The following SUGCT variants were observed in gnomAD, a reference collection of about 807,000 sequenced individuals.
The protein encoded by SUGCT is succinyl-CoA:glutarate-CoA transferase.
A neutral mutation model predicts 55.0 loss-of-function variants in SUGCT; 41 were observed. That is an observed-to-expected ratio of 0.74 (90% CI 0.58 to 0.97). The LOEUF (loss-of-function observed/expected upper bound fraction) is 0.97. Ranked by LOEUF, SUGCT falls within the 50% of genes least tolerant of loss-of-function variation. The pLI is 0.00. For missense variants in SUGCT, 568 were observed against 547.8 expected (o/e 1.04, Z -0.37); for synonymous variants, 187 against 200.4 (o/e 0.93, Z 0.56).
intron 12 of SUGCT, among the ~76,000 whole-genome samples, chr7:40,710,803 A>G (rs181349896): frequency 6.6e-4 from 100 of 152,268 alleles, no homozygotes; most frequent in African/African-American, 2.3e-3. Context: ...ATTTTTTCCC[A>G]TGGGATCTTA....
chr7:40,873,971 A>G, the SUGCT span, among the ~76,000 whole-genome samples: 1 of 152,236 alleles, frequency 6.6e-6, no homozygotes, highest in African/African-American at 2.4e-5. Flanking sequence ...CAAGACTCAT[A>G]TCAGCAGAGG....
At chr7:40,693,961 A>G (rs1784808486) in intron 12 of SUGCT, among the ~76,000 whole-genome samples, 1 of 152,208 alleles carries the variant, frequency 6.6e-6, no homozygotes, top group East Asian at 1.9e-4. Flanking sequence ...TCTTTTGGAA[A>G]ACATTCCCAC....
intron 12 of SUGCT, chr7:40,547,025 T>C (rs960687312): frequency 6.6e-6 from 1 of 152,172 alleles, no homozygotes; most frequent in African/African-American, 2.4e-5. Context: ...CTTCTGTTTC[T>C]GTTTCTCTGG....
intron 11 of SUGCT, among the ~76,000 whole-genome samples, chr7:40,489,697 A>C (rs150078680): frequency 2.6e-5 from 4 of 152,238 alleles, no homozygotes; most frequent in South Asian, 4.1e-4. Context: ...AAAACAAAAA[A>C]CAAAAAACAA....
intron 12 of SUGCT, among the ~76,000 whole-genome samples, chr7:40,572,161 G>A (rs143033110): frequency 4.5e-4 from 69 of 152,152 alleles, no homozygotes; most frequent in African/African-American, 1.5e-3. Flanking sequence ...GCTGGGAGGC[G>A]TATGAGACAC....
At chr7:40,321,486 G>A (rs961868035) in intron 9 of SUGCT, among the ~76,000 whole-genome samples, 9 of 152,070 alleles carry the variant, frequency 5.9e-5, no homozygotes, top group African/African-American at 1.4e-4. Context: ...GAGTTCAAGT[G>A]ATTGTCCTGA....
rs533161401 is a variant in SUGCT, at chr7:40,218,513, C to T, written c.485-19122C>T. The stretch of plus-strand genomic sequence containing the variant: ...TCGGGTGAGGACTTGGAGAACTTTT[C>T]GGTTTAGCTAAAGGATTGTAAATGC... On this transcript the variant is annotated intron_variant, in intron 6 of 13. Transcript: ENST00000335693. 1.6e-4 allele frequency among the ~76,000 whole-genome samples: 24 copies of T among 152,250 alleles called. 1 individual carries two copies. The South Asian group carries it at 3.9e-3, about 25-fold the overall frequency.
chr7:40,196,885 A>G (rs374234659), intron 6 of SUGCT, among the ~76,000 whole-genome samples: 116 of 152,158 alleles, frequency 7.6e-4, no homozygotes, highest in African/African-American at 2.7e-3. Context: ...CTCAGGTTGG[A>G]GTGCTTTGGT....
the SUGCT span, among the ~76,000 whole-genome samples, chr7:41,019,561 G>A: frequency 3.9e-5 from 6 of 152,118 alleles, no homozygotes; most frequent in African/African-American, 1.4e-4. Context: ...TACAAGATTG[G>A]TCTGAAAATT....
chr7:40,249,323 A>ATATATCTATATATATATATC (rs1562612040), intron 7 of SUGCT, among the ~76,000 whole-genome samples: 1 of 91,790 alleles, frequency 1.1e-5, no homozygotes, highest in Admixed American at 1.1e-4. Flanking sequence ...CTATATATAT[A>ATATATCTATATATATATATC]TATATATATA....
chr7:40,709,404 G>C (rs1785587570), intron 12 of SUGCT, among the ~76,000 whole-genome samples: 1 of 152,244 alleles, frequency 6.6e-6, no homozygotes, highest in Non-Finnish European at 1.5e-5. Context: ...CTGTAAGAGA[G>C]TGAGGAGAGC....
At chr7:40,937,712 C>G in the SUGCT span, among the ~76,000 whole-genome samples, 1 of 151,966 alleles carries the variant, frequency 6.6e-6, no homozygotes, top group Non-Finnish European at 1.5e-5. Flanking sequence ...TTAGTATGTC[C>G]GTTCTAGCTC....
intron 9 of SUGCT, among the ~76,000 whole-genome samples, chr7:40,432,168 A>G (rs1265346084): frequency 6.6e-6 from 1 of 152,192 alleles, no homozygotes; most frequent in African/African-American, 2.4e-5. Flanking sequence ...GTTTTTCAAA[A>G]GTGAAGTGAC....
chr7:41,032,044 G>A, the SUGCT span, among the ~76,000 whole-genome samples: 11 of 152,180 alleles, frequency 7.2e-5, no homozygotes, highest in African/African-American at 2.6e-4. Context: ...GACTGAAGAT[G>A]CTTGAAGCAC....
At chr7:40,760,507 G>A (rs1251222326) in intron 13 of SUGCT, among the ~76,000 whole-genome samples, 1 of 152,026 alleles carries the variant, frequency 6.6e-6, no homozygotes, top group Admixed American at 6.6e-5. Flanking sequence ...CAAAGTTCTG[G>A]AGATGGATGG....
At chr7:40,793,947 C>T (rs1790433964) in intron 13 of SUGCT, among the ~76,000 whole-genome samples, 1 of 151,988 alleles carries the variant, frequency 6.6e-6, no homozygotes, top group Non-Finnish European at 1.5e-5. Flanking sequence ...TTAACCTTTC[C>T]ATTGAGTTTT....
the SUGCT span, among the ~76,000 whole-genome samples, chr7:41,003,280 T>C: frequency 9.9e-5 from 15 of 152,048 alleles, no homozygotes; most frequent in Admixed American, 2.0e-4. Flanking sequence ...ACCTTCAGAT[T>C]TAACTCAGAT....
chr7:40,525,623 TC>T (rs2151583609), intron 12 of SUGCT, among the ~76,000 whole-genome samples: 1 of 152,200 alleles, frequency 6.6e-6, no homozygotes, highest in South Asian at 2.1e-4. Context: ...TCCGGTGATT[TC>T]TTGGATGAGA....
chr7:40,172,183 C>T (rs1784709072), intron 1 of SUGCT, among the ~76,000 whole-genome samples: 2 of 152,294 alleles, frequency 1.3e-5, no homozygotes, highest in African/African-American at 4.8e-5. Context: ...ACTGGGTCAT[C>T]AGTTCTAAGG....
Sources: allele counts gnomAD v4.1 joint callset (sites outside exome capture counted in the v4.1 genomes callset), GRCh38; gene constraint gnomAD v4.1.1; transcripts MANE v1.5; gene names NCBI Gene and HGNC (gene_info 2026-07-23, HGNC 2026-07-21).